The following SHISA9 variants were observed in gnomAD, a reference collection of about 807,000 sequenced individuals.
SHISA9 encodes the protein shisa family member 9, also known as protein shisa-9.
A neutral mutation model predicts 38.0 loss-of-function variants in SHISA9; 13 were observed. The ratio of observed to expected loss-of-function variants is 0.34; its 90% CI spans 0.22 to 0.54. The LOEUF (loss-of-function observed/expected upper bound fraction) is 0.54, where lower values mean the gene tolerates loss of function less well. Ranked by LOEUF, SHISA9 falls within the 20% of genes least tolerant of loss-of-function variation. The pLI is 0.91. For missense variants in SHISA9, 538 were observed against 575.8 expected (o/e 0.93, Z 0.67); for synonymous variants, 275 against 242.0 (o/e 1.14, Z -1.27).
chr16:12,918,724 A>T (rs1002432935), intron 2 of SHISA9, among the ~76,000 whole-genome samples: 2 of 152,198 alleles, frequency 1.3e-5, no homozygotes, highest in Non-Finnish European at 1.5e-5. Context: ...AGTGTCTCAT[A>T]ATAGTGTACT....
intron 2 of SHISA9, among the ~76,000 whole-genome samples, chr16:13,025,006 G>A (rs1333068591): frequency 6.6e-6 from 1 of 152,026 alleles, no homozygotes; most frequent in African/African-American, 2.4e-5. Context: ...ATAATTACCT[G>A]GACATTGATA....
chr16:13,027,927 CAAAAACAAAAAAAA>C (rs1164334136), intron 2 of SHISA9, among the ~76,000 whole-genome samples: 5 of 29,406 alleles, frequency 1.7e-4, no homozygotes, highest in Non-Finnish European at 2.5e-4. Flanking sequence ...AGCTCTGTCT[CAAAAACAAAAAAAA>C]AAAAAAAAAA....
At chr16:13,124,029 C>A (rs1489888561) in intron 2 of SHISA9, among the ~76,000 whole-genome samples, 1 of 152,168 alleles carries the variant, frequency 6.6e-6, no homozygotes, top group Non-Finnish European at 1.5e-5. Flanking sequence ...GGGAATACTC[C>A]CCCTGTGAGG....
At chr16:13,233,595 C>G (rs1368388398) in intron 4 of SHISA9, among the ~76,000 whole-genome samples, 2 of 152,206 alleles carry the variant, frequency 1.3e-5, no homozygotes, top group Non-Finnish European at 2.9e-5. Flanking sequence ...AGAACAAAAG[C>G]AGCTATGGAT....
the SHISA9 span, among the ~76,000 whole-genome samples, chr16:13,355,963 C>T: frequency 6.6e-6 from 1 of 152,154 alleles, no homozygotes; most frequent in Non-Finnish European, 1.5e-5. Context: ...AGAGATGGGA[C>T]GTGGCTTAGG....
the SHISA9 span, among the ~76,000 whole-genome samples, chr16:13,504,812 C>G: frequency 6.6e-6 from 1 of 152,130 alleles, no homozygotes; most frequent in Non-Finnish European, 1.5e-5. Context: ...TTATTGTTCT[C>G]GTCTGTGATT....
chr16:13,013,227 G>C (rs566734112), intron 2 of SHISA9, among the ~76,000 whole-genome samples: 8 of 152,290 alleles, frequency 5.3e-5, no homozygotes, highest in African/African-American at 1.7e-4. Flanking sequence ...CTACAGCTTT[G>C]ACCGGAATCA....
intron 2 of SHISA9, among the ~76,000 whole-genome samples, chr16:13,153,036 C>G (rs1310363625): frequency 1.3e-5 from 2 of 152,106 alleles, no homozygotes; most frequent in Non-Finnish European, 2.9e-5. Flanking sequence ...AGAGGGGGCT[C>G]TGAGCCAAAG....
intron 2 of SHISA9, 120 bp from the exon 3 acceptor site, chr16:13,203,274 T>A: frequency 1.1e-6 from 1 of 945,388 alleles, no homozygotes; most frequent in Non-Finnish European, 1.4e-6. Context: ...CTCTGCTGTT[T>A]TGCGACTTGC....
At chr16:13,165,460 C>T (rs1232668762) in intron 2 of SHISA9, among the ~76,000 whole-genome samples, 2 of 152,132 alleles carry the variant, frequency 1.3e-5, no homozygotes, top group Non-Finnish European at 2.9e-5. Flanking sequence ...AGGTAGTGAT[C>T]TTAGACCTGG....
chr16:13,469,728 G>A, the SHISA9 span, among the ~76,000 whole-genome samples: 14 of 152,084 alleles, frequency 9.2e-5, no homozygotes, highest in Non-Finnish European at 1.5e-4. Context: ...GATTAATTAT[G>A]CTAATCAGCC....
At chr16:13,032,322 G>C (rs1195752810) in intron 2 of SHISA9, among the ~76,000 whole-genome samples, 1 of 152,122 alleles carries the variant, frequency 6.6e-6, no homozygotes, top group African/African-American at 2.4e-5. Context: ...ATGGTTTCCA[G>C]CATCATCCAT....
At chr16:13,220,862 G>C (rs1596743918) in intron 4 of SHISA9, among the ~76,000 whole-genome samples, 1 of 152,146 alleles carries the variant, frequency 6.6e-6, no homozygotes, top group Non-Finnish European at 1.5e-5. Flanking sequence ...TAAGTGAAGA[G>C]AGAAAGGGCC....
intron 2 of SHISA9, among the ~76,000 whole-genome samples, chr16:12,987,614 G>A (rs1004380101): frequency 2.6e-5 from 4 of 152,156 alleles, no homozygotes; most frequent in East Asian, 1.9e-4. Flanking sequence ...GGGAGGGAGA[G>A]CATCAGGATA....
chr16:13,262,973 G>T, the SHISA9 span, among the ~76,000 whole-genome samples: 1 of 152,036 alleles, frequency 6.6e-6, no homozygotes, highest in Non-Finnish European at 1.5e-5. Context: ...AGACATGAGG[G>T]TCTCTTTTTT....
chr16:13,432,145 TCTAGG>T, the SHISA9 span, among the ~76,000 whole-genome samples: 1 of 152,228 alleles, frequency 6.6e-6, no homozygotes, highest in Non-Finnish European at 1.5e-5. Flanking sequence ...GTTATGAATT[TCTAGG>T]CTATAATCTC....
chr16:13,118,399 A>T (rs1018562114), intron 2 of SHISA9, among the ~76,000 whole-genome samples: 4 of 152,122 alleles, frequency 2.6e-5, no homozygotes, highest in African/African-American at 9.7e-5. Flanking sequence ...CAAGAAGAGA[A>T]CAGGACATTT....
the SHISA9 span, among the ~76,000 whole-genome samples, chr16:13,551,566 A>T: frequency 3.1e-3 from 476 of 152,336 alleles, 4 homozygotes; most frequent in African/African-American, 0.011. Context: ...AGCATATGTG[A>T]CTGTGGGCAC....
At chr16:13,012,502 G>A (rs371777924) in intron 2 of SHISA9, among the ~76,000 whole-genome samples, 3 of 152,128 alleles carry the variant, frequency 2.0e-5, no homozygotes, top group Non-Finnish European at 2.9e-5. Flanking sequence ...GGGAGAGTGC[G>A]GGGGATGAGA....
Sources: allele counts gnomAD v4.1 joint callset (sites outside exome capture counted in the v4.1 genomes callset), GRCh38; gene constraint gnomAD v4.1.1; transcripts MANE v1.5; gene names NCBI Gene and HGNC (gene_info 2026-07-23, HGNC 2026-07-21).